MBNL2: variants seen among roughly 807,000 people sequenced by gnomAD.
The protein encoded by MBNL2 is muscleblind like splicing regulator 2.
In MBNL2, 17 loss-of-function variants were observed where a neutral mutation model predicts 41.9. The ratio of observed to expected loss-of-function variants is 0.41; its 90% CI spans 0.28 to 0.61. The LOEUF (loss-of-function observed/expected upper bound fraction) is 0.61, where lower values mean the gene tolerates loss of function less well. Ranked by LOEUF, MBNL2 falls within the 20% of genes least tolerant of loss-of-function variation. MBNL2 has a pLI of 0.35. For missense variants in MBNL2, 336 were observed against 505.6 expected (o/e 0.66, Z 3.22); for synonymous variants, 195 against 182.9 (o/e 1.07, Z -0.53).
chr13:97,225,370 T>C (rs1301703544), intron 1 of MBNL2, among the ~76,000 whole-genome samples: 1 of 152,198 alleles, frequency 6.6e-6, no homozygotes, highest in Admixed American at 6.5e-5. Context: ...TACTGATTTG[T>C]TTACATTTCC....
At position 97,232,851 on chromosome 13, in the gene MBNL2, A is replaced by G. The variant is rs201226227; in HGVS notation, c.-605+10320A>G. ...CGGCCTTTTTCTTACTCTTGACGCT[A>G]TGTGTGTGTGTGTGTGTGTGTGTGT... is the stretch of plus-strand genomic sequence containing the variant. On this transcript the variant is annotated intron_variant, in intron 1 of 8. Transcript: ENST00000679496. Among the ~76,000 whole-genome samples the G allele has an allele frequency of 5.1e-4, 67 of 130,580 alleles. No individual in the cohort carries two copies. The East Asian group carries it at 7.0e-3, about 14-fold the overall frequency. 85.7% of individuals were successfully genotyped at this position (130,580 alleles called of 152,430 possible).
At chr13:97,189,401 T>C in the MBNL2 span, among the ~76,000 whole-genome samples, 1 of 152,176 alleles carries the variant, frequency 6.6e-6, no homozygotes, top group Non-Finnish European at 1.5e-5. Flanking sequence ...AGGGAGGTAG[T>C]TCAAGGTAGA....
intron 1 of MBNL2, among the ~76,000 whole-genome samples, chr13:97,229,612 TC>T (rs1486908858): frequency 6.6e-6 from 1 of 152,020 alleles, no homozygotes; most frequent in Non-Finnish European, 1.5e-5. Flanking sequence ...GTGGTCAAAA[TC>T]TCAGGAAGGA....
chr13:97,223,523 ATAGTT>A (rs912030740), intron 1 of MBNL2, among the ~76,000 whole-genome samples: 2 of 152,362 alleles, frequency 1.3e-5, no homozygotes, highest in Admixed American at 1.3e-4. Flanking sequence ...CATTTTTAGA[ATAGTT>A]AGCAAGCACT....
At chr13:97,249,473 A>G (rs2046111870) in intron 1 of MBNL2, among the ~76,000 whole-genome samples, 1 of 152,258 alleles carries the variant, frequency 6.6e-6, no homozygotes, top group Admixed American at 6.5e-5. Flanking sequence ...ATCTTCTGGT[A>G]AACACTGGAG....
At chr13:97,328,855 A>G (rs990237796) in intron 2 of MBNL2, among the ~76,000 whole-genome samples, 4 of 152,054 alleles carry the variant, frequency 2.6e-5, no homozygotes, top group Non-Finnish European at 5.9e-5. Context: ...TTTTTTTTCA[A>G]TTAGGAGCAT....
upstream of MBNL2, among the ~76,000 whole-genome samples, chr13:97,217,278 C>A (rs1435408507): frequency 6.6e-6 from 1 of 152,072 alleles, no homozygotes; most frequent in Admixed American, 6.6e-5. Flanking sequence ...AACCATTCAA[C>A]AACTATTCAG....
intron 1 of MBNL2, among the ~76,000 whole-genome samples, chr13:97,244,475 C>T (rs2045031883): frequency 6.6e-6 from 1 of 152,228 alleles, no homozygotes; most frequent in Non-Finnish European, 1.5e-5. Flanking sequence ...GACAAGTCAA[C>T]TTATAGTCAG....
chr13:97,260,637 T>C (rs566242141), intron 1 of MBNL2, among the ~76,000 whole-genome samples: 23 of 152,016 alleles, frequency 1.5e-4, no homozygotes, highest in Non-Finnish European at 2.8e-4. Context: ...ATGTAGGGTA[T>C]CGGAGAGAGG....
chr13:97,194,444 C>G, the MBNL2 span, among the ~76,000 whole-genome samples: 1 of 152,174 alleles, frequency 6.6e-6, no homozygotes. Flanking sequence ...AGACCCCTGC[C>G]CACCCATTCA....
chr13:97,275,402 T>C (rs2051993589), intron 1 of MBNL2, among the ~76,000 whole-genome samples: 1 of 152,224 alleles, frequency 6.6e-6, no homozygotes, highest in Non-Finnish European at 1.5e-5. Flanking sequence ...TCTGCCACAC[T>C]CATCTGTTTG....
At chr13:97,213,701 G>A in the MBNL2 span, among the ~76,000 whole-genome samples, 5 of 152,112 alleles carry the variant, frequency 3.3e-5, no homozygotes, top group Non-Finnish European at 5.9e-5. Flanking sequence ...CCAACATGTA[G>A]CAAGTCACGT....
At chr13:97,228,777 G>A (rs576114350) in intron 1 of MBNL2, among the ~76,000 whole-genome samples, 8 of 151,974 alleles carry the variant, frequency 5.3e-5, no homozygotes, top group South Asian at 2.1e-4. Flanking sequence ...TAATCCACCC[G>A]CCTCAGCCTC....
chr13:97,260,018 T>C (rs531503509), intron 1 of MBNL2, among the ~76,000 whole-genome samples: 27 of 152,284 alleles, frequency 1.8e-4, no homozygotes, highest in African/African-American at 6.5e-4. Context: ...TACAGTCTGG[T>C]TGAGAGAGAA....
Position 97,346,839 on chromosome 13 carries a change from G to A in MBNL2, c.576G>A (p.Arg192=). ...AGTTCCAGCGAGGAAACTGTGCCCG[G>A]GGAGAGACCGACTGCCGCTTTGCAC... ...CREFQRGNCA[R]GETDCRFAHP... is the part of the protein sequence containing the mutation. The change falls in exon 5 of 9, where the codon CGG becomes CGA. Residue 192 remains arginine, a synonymous_variant. Transcript: ENST00000679496. This position sits in a 1 kb window ranked among gnomAD's most constrained non-coding sequence, Gnocchi z 4.2. 1 of 1,614,104 alleles carries A rather than the reference G, an allele frequency of 6.2e-7. No individual in the cohort carries two copies. The highest frequency in any genetic ancestry group is 1.1e-5 in the South Asian group (1 of 91,078).
the MBNL2 span, among the ~76,000 whole-genome samples, chr13:97,176,608 A>G: frequency 6.6e-6 from 1 of 152,174 alleles, no homozygotes; most frequent in Non-Finnish European, 1.5e-5. Flanking sequence ...GAGGGTAAAC[A>G]GCATCATTAA....
chr13:97,203,060 A>G, the MBNL2 span, among the ~76,000 whole-genome samples: 1 of 152,212 alleles, frequency 6.6e-6, no homozygotes, highest in Non-Finnish European at 1.5e-5. Flanking sequence ...TGATTAGAGT[A>G]ATGGGTAGAC....
chr13:97,300,940 G>A (rs1013275725), intron 2 of MBNL2, among the ~76,000 whole-genome samples: 9 of 152,172 alleles, frequency 5.9e-5, no homozygotes, highest in Admixed American at 6.5e-5. Flanking sequence ...GTGATGAGAC[G>A]GAATTGTCAT....
chr13:97,170,136 T>C, the MBNL2 span, among the ~76,000 whole-genome samples: 6 of 152,358 alleles, frequency 3.9e-5, no homozygotes, highest in African/African-American at 1.4e-4. Context: ...GTGACTAGAA[T>C]GTCAATTTCC....
Sources: gnomAD v4.1 joint callset for allele counts (sites outside exome capture counted in the v4.1 genomes callset) on GRCh38, gnomAD v4.1.1 for gene constraint, Gnocchi (gnomAD v3.1) non-coding constraint, MANE v1.5 for transcripts, NCBI Gene and HGNC (gene_info 2026-07-23, HGNC 2026-07-21) for gene names.